Variants in TNPO1 observed in about 807,000 individuals in gnomAD.
TNPO1 encodes transportin 1.
Under a neutral mutation model 119.5 loss-of-function variants are expected in TNPO1, and 8 were observed. The observed-to-expected ratio is 0.07, with a 90% CI of 0.04 to 0.12. TNPO1 has a LOEUF of 0.12. Among genes scored for constraint, TNPO1 ranks in the 10% least tolerant of loss-of-function variants. The pLI, the probability that TNPO1 is intolerant of heterozygous loss-of-function variation, is 1.00. For synonymous variants in TNPO1, 362 were observed against 363.0 expected, an observed-to-expected ratio of 1.00 and a Z score of 0.03; for missense variants, 576 against 1,089.8, an observed-to-expected ratio of 0.53 and a Z score of 6.64.
intron 7 of TNPO1, among the ~76,000 whole-genome samples, chr5:72,874,551 A>T (rs266431): frequency 0.15 from 23,360 of 152,158 alleles, 2,000 homozygotes; most frequent in East Asian, 0.3. Flanking sequence ...CTGCTGGGAA[A>T]ATAGTGCTCT....
At chr5:72,823,126 T>A (rs1284567140) in intron 1 of TNPO1, among the ~76,000 whole-genome samples, 1 of 152,130 alleles carries the variant, frequency 6.6e-6, no homozygotes, top group Non-Finnish European at 1.5e-5. Flanking sequence ...TCTCTTCCAC[T>A]GTGCAGTTGT....
chr5:72,832,640 T>A (rs1744524937), intron 1 of TNPO1, among the ~76,000 whole-genome samples: 1 of 152,168 alleles, frequency 6.6e-6, no homozygotes, highest in Non-Finnish European at 1.5e-5. Flanking sequence ...ATTGCCACTG[T>A]CCCTACATCT....
At chr5:72,822,783 G>A (rs1016182847) in intron 1 of TNPO1, among the ~76,000 whole-genome samples, 2 of 151,728 alleles carry the variant, frequency 1.3e-5, no homozygotes, top group Non-Finnish European at 2.9e-5. Flanking sequence ...AGTAGAGATG[G>A]GGTTTCACTG....
At chr5:72,865,063 A>G (rs528314763) in intron 5 of TNPO1, among the ~76,000 whole-genome samples, 2 of 152,360 alleles carry the variant, frequency 1.3e-5, no homozygotes, top group African/African-American at 2.4e-5. Context: ...CTCCACTTCT[A>G]AGTCATTTAA....
intron 1 of TNPO1, among the ~76,000 whole-genome samples, chr5:72,839,553 C>T (rs1200387496): frequency 6.6e-6 from 1 of 152,096 alleles, no homozygotes; most frequent in African/African-American, 2.4e-5. Flanking sequence ...CTAAGAAGTA[C>T]AAATTATTAT....
intron 3 of TNPO1, 76 bp downstream of exon 3, chr5:72,851,395 C>G: frequency 2.3e-6 from 2 of 875,416 alleles, no homozygotes; most frequent in Non-Finnish European, 1.8e-6. Context: ...TTATTCATTT[C>G]AAAGGATTTC....
At chr5:72,894,966 G>A (rs1224052533) in intron 18 of TNPO1, among the ~76,000 whole-genome samples, 1 of 152,084 alleles carries the variant, frequency 6.6e-6, no homozygotes, top group Non-Finnish European at 1.5e-5. Context: ...TAGAAAAAAT[G>A]TAACAAACCT....
Position 72,883,095 on chromosome 5 carries a change from A to T in TNPO1, c.1013A>T (p.Asp338Val). 6.2e-7 allele frequency: 1 copy of T among 1,613,614 alleles called. No homozygotes were observed. Among genetic ancestry groups the T allele is most frequent in the Non-Finnish European group, 8.5e-7 (1 of 1,179,902 alleles). ...GDVEEDETIP[D>V]SEQDIRPRFH... is the part of the protein sequence containing the mutation. ...GTTGAAGAAGACGAAACGATTCCTG[A>T]TAGTGAACAGGATATACGGCCACGT... Residue 338 changes from aspartate to valine, a missense_variant, in exon 11 of 25, where the codon GAT becomes GTT. Physicochemically the swap from Asp to Val is radical, Grantham distance 152. Transcript: ENST00000337273.
intron 22 of TNPO1, among the ~76,000 whole-genome samples, chr5:72,901,522 G>T (rs1158595073): frequency 6.6e-6 from 1 of 152,124 alleles, no homozygotes; most frequent in Non-Finnish European, 1.5e-5. Context: ...CATTGAAATT[G>T]CTCTAATTTT....
chr5:72,905,453 A>T lies in TNPO1; in HGVS notation c.*35+8A>T, dbSNP rs773532974. 1 of 1,423,204 alleles carries T rather than the reference A, an allele frequency of 7.0e-7. No individual in the cohort carries two copies. The highest frequency in any genetic ancestry group is 1.3e-5 in the South Asian group (1 of 79,308). The allele number at this position is 1,423,204 out of a possible 1,614,324, so 88.2% of individuals were successfully genotyped here. Reference sequence around the variant, plus strand: ...GCAGTCCCAAAATTAGGGGTAAGTTATAAGAAGTTTGGAAATTTTCAGGAT... The same window carrying T: ...GCAGTCCCAAAATTAGGGGTAAGTTTTAAGAAGTTTGGAAATTTTCAGGAT... On this transcript the variant is annotated splice_region_variant and intron_variant, in intron 24 of 24. Transcript: ENST00000337273.
intron 7 of TNPO1, among the ~76,000 whole-genome samples, chr5:72,875,013 TACTTA>T (rs1419991080): frequency 6.6e-6 from 1 of 152,212 alleles, no homozygotes; most frequent in African/African-American, 2.4e-5. Flanking sequence ...GTTATCAAGT[TACTTA>T]ACTTCTATTA....
rs267600680 is a variant in TNPO1 at position 72,848,483 on chromosome 5, G to T, written c.114G>T (p.Gln38His). Reference sequence around the variant, plus strand: ...CCCAGTCCCCAGACACCACCATCCAGAGAACCGTGCAACAAGTATCCTTTC... The same window carrying T: ...CCCAGTCCCCAGACACCACCATCCATAGAACCGTGCAACAAGTATCCTTTC... ...KESQSPDTTI[Q>H]RTVQQKLEQL... The change falls in exon 2 of 25, where the codon CAG becomes CAT. Residue 38 changes from glutamine (Q) to histidine (H), a missense_variant. Coordinates refer to ENST00000337273, the MANE Select transcript of TNPO1 (RefSeq NM_002270.4). 17 of 1,604,866 alleles carry T rather than the reference G, an allele frequency of 1.1e-5. No homozygotes were observed. Among genetic ancestry groups the T allele is most frequent in the Non-Finnish European group, 1.4e-5 (17 of 1,175,352 alleles).
rs1291964223 is a variant in TNPO1, at chr5:72,890,860, A to AT, written c.1701+910dup. On this transcript the variant is annotated intron_variant, in intron 14 of 24. Coordinates refer to ENST00000337273, the MANE Select transcript of TNPO1 (RefSeq NM_002270.4). Reference sequence around the variant, plus strand: ...CGTTACAGTTCCATGACTAAAAGGAATTTTTTTGTGTGTGACAAGGTCTCA... The same window carrying AT: ...CGTTACAGTTCCATGACTAAAAGGAATTTTTTTTGTGTGTGACAAGGTCTCA... Among the ~76,000 whole-genome samples, 4 of 152,006 alleles carry AT rather than the reference A, an allele frequency of 2.6e-5. No individual in the cohort carries two copies. The East Asian group carries it at 7.8e-4, about 30-fold the overall frequency.
At chr5:72,862,065 G>A in intron 5 of TNPO1, 151 bp downstream of exon 5, 1 of 568,030 alleles carries the variant, frequency 1.8e-6, no homozygotes, top group South Asian at 2.2e-5. Flanking sequence ...TATTACATTT[G>A]TAAATCATTT....
At chr5:72,893,576 CTG>C (rs1749215899) in intron 17 of TNPO1, 38 bp from the exon 18 acceptor site, 3 of 1,614,062 alleles carry the variant, frequency 1.9e-6, no homozygotes, top group Admixed American at 1.7e-5. Context: ...GCCTGTTTCT[CTG>C]TGTCACATTG....
In TNPO1 at chr5:72,827,991, C is replaced by A. The variant is rs557366195; in HGVS notation, c.15+11239C>A. On this transcript the variant is annotated intron_variant, in intron 1 of 24. Coordinates refer to ENST00000337273, the MANE Select transcript of TNPO1 (RefSeq NM_002270.4). ...CCATTTGACAAACAAGCAGATATGT[C>A]TTGTCAGACGTTGGATACTTGAATC... Among the ~76,000 whole-genome samples, 199 of 151,882 alleles carry A rather than the reference C, an allele frequency of 1.3e-3. 1 individual carries two copies. The highest frequency in any genetic ancestry group is 4.6e-3 in the African/African-American group (189 of 41,398).
At chr5:72,854,976 G>A (rs1276149271) in intron 3 of TNPO1, among the ~76,000 whole-genome samples, 1 of 151,944 alleles carries the variant, frequency 6.6e-6, no homozygotes, top group Non-Finnish European at 1.5e-5. Context: ...TGACACTGGA[G>A]GAAAATGATT....
At chr5:72,872,327 G>C (rs1461183381) in intron 6 of TNPO1, among the ~76,000 whole-genome samples, 1 of 151,690 alleles carries the variant, frequency 6.6e-6, no homozygotes, top group African/African-American at 2.4e-5. Context: ...AAATCTGTAG[G>C]CATCTAAAAA....
rs140100907 is a variant in TNPO1, at chr5:72,857,571, G to A, written c.355+1648G>A. On this transcript the variant is annotated intron_variant, in intron 4 of 24. Transcript: ENST00000337273. ...GACACTGTTAAAAAGAATGGTGAGC[G>A]TGTGCCAGCCTTTTCCATTTCGGAT... 1.1e-3 allele frequency among the ~76,000 whole-genome samples: 173 copies of A among 152,314 alleles called. 1 individual carries two copies. The highest frequency in any genetic ancestry group is 3.9e-3 in the African/African-American group (164 of 41,570).
Sources: gnomAD v4.1 joint callset for allele counts (sites outside exome capture counted in the v4.1 genomes callset) on GRCh38, gnomAD v4.1.1 for gene constraint, MANE v1.5 for transcripts, NCBI Gene and HGNC (gene_info 2026-07-23, HGNC 2026-07-21) for gene names.